FRAS1: variants seen among roughly 807,000 people sequenced by gnomAD.
FRAS1 encodes the protein extracellular matrix organizing protein FRAS1.
A neutral mutation model predicts 435.2 loss-of-function variants in FRAS1; 290 were observed. The ratio of observed to expected loss-of-function variants is 0.67; its 90% CI spans 0.61 to 0.73. FRAS1 has a LOEUF of 0.73. FRAS1 is among the 30% of genes least tolerant of loss of function. The pLI is 0.00. For synonymous variants in FRAS1, 1,800 were observed against 1,851.0 expected (o/e 0.97, Z 0.71); for missense variants, 4,860 against 5,001.5 (o/e 0.97, Z 0.85).
At chr4:78,170,526 G>A (rs1332022771) in intron 2 of FRAS1, among the ~76,000 whole-genome samples, 5 of 151,942 alleles carry the variant, frequency 3.3e-5, no homozygotes, top group African/African-American at 7.2e-5. Context: ...AAGTGCTGCC[G>A]CCATAGATGA....
At chr4:78,458,037 C>T (rs775692119) in intron 47 of FRAS1, among the ~76,000 whole-genome samples, 7 of 152,178 alleles carry the variant, frequency 4.6e-5, no homozygotes, top group Non-Finnish European at 8.8e-5. Flanking sequence ...TTAGGGAATA[C>T]ACAGTTAGAG....
chr4:78,206,459 T>C (rs1400560137), intron 2 of FRAS1, among the ~76,000 whole-genome samples: 1 of 152,196 alleles, frequency 6.6e-6, no homozygotes, highest in Non-Finnish European at 1.5e-5. Context: ...GACCATAAAA[T>C]AATACATTTT....
In FRAS1 at chr4:78,515,787, C is replaced by A; in HGVS notation, c.10175-12C>A. ...ACCAAGTTATCGTTCCTTGTTCTTC[C>A]CTCCCTGGCAGAGGCAGGGTTCCTG... On this transcript the variant is annotated splice_polypyrimidine_tract_variant and intron_variant, in intron 65 of 73. Transcript: ENST00000512123. 3.1e-6 allele frequency: 5 copies of A among 1,612,220 alleles called. No individual in the cohort carries two copies. The highest frequency in any genetic ancestry group is 4.2e-6 in the Non-Finnish European group (5 of 1,178,944).
At chr4:78,234,504 C>T (rs766666976) in intron 2 of FRAS1, among the ~76,000 whole-genome samples, 5 of 152,120 alleles carry the variant, frequency 3.3e-5, no homozygotes, top group Non-Finnish European at 5.9e-5. Flanking sequence ...GGATTACAGG[C>T]GTGAGCTGCC....
At chr4:78,382,229 C>T (rs1190152480) in intron 27 of FRAS1, among the ~76,000 whole-genome samples, 1 of 150,758 alleles carries the variant, frequency 6.6e-6, no homozygotes, top group East Asian at 2.0e-4. Flanking sequence ...GGAAGTACCA[C>T]CCTTTCTTTT....
intron 28 of FRAS1, among the ~76,000 whole-genome samples, chr4:78,387,075 T>C (rs1047843194): frequency 5.9e-5 from 9 of 152,136 alleles, no homozygotes; most frequent in African/African-American, 2.2e-4. Flanking sequence ...TTGGGATAAA[T>C]TTAAGTCAGG....
chr4:78,286,684 A>T, intron 14 of FRAS1, 145 bp downstream of exon 14: 1 of 737,768 alleles, frequency 1.4e-6, no homozygotes, highest in East Asian at 2.6e-5. Context: ...TGATGGGATG[A>T]GGAGAACAGT....
chr4:78,180,775 T>G lies in FRAS1; in HGVS notation c.109-56735T>G, dbSNP rs1332837229. On this transcript the variant is annotated intron_variant, in intron 2 of 73. Coordinates refer to ENST00000512123, the MANE Select transcript of FRAS1 (RefSeq NM_025074.7). Reference sequence around the variant, plus strand: ...ATGGTATGAATGACAGTCTTTTTTTTTTTTTAATTTGTCATTTGGAATCCT... The same window carrying G: ...ATGGTATGAATGACAGTCTTTTTTTGTTTTTAATTTGTCATTTGGAATCCT... 2.1e-5 allele frequency: 21 copies of G among 998,080 alleles called. 1 individual carries two copies. The highest frequency in any genetic ancestry group is 3.1e-5 in the Non-Finnish European group (21 of 669,650). 61.8% of individuals were successfully genotyped at this position (998,080 alleles called of 1,614,324 possible).
chr4:78,091,670 G>A (rs1378561624), intron 2 of FRAS1, among the ~76,000 whole-genome samples: 10 of 151,198 alleles, frequency 6.6e-5, no homozygotes, highest in Non-Finnish European at 1.0e-4. Flanking sequence ...TTTTGGAGAT[G>A]GAGTCTTGCT....
At chr4:78,538,707 C>A (rs1721958515) in intron 72 of FRAS1, among the ~76,000 whole-genome samples, 1 of 152,168 alleles carries the variant, frequency 6.6e-6, no homozygotes, top group Non-Finnish European at 1.5e-5. Flanking sequence ...GTAATCCCAG[C>A]ACTTTGGGAG....
intron 2 of FRAS1, among the ~76,000 whole-genome samples, chr4:78,196,376 A>T (rs933458980): frequency 1.1e-4 from 16 of 152,206 alleles, no homozygotes; most frequent in African/African-American, 3.9e-4. Flanking sequence ...ACAGTAAAAC[A>T]TCTATTCTAG....
rs927684947 is a variant in FRAS1, at chr4:78,181,625, G to A, written c.109-55885G>A. The A allele has an allele frequency of 1.2e-5, 19 of 1,610,120 alleles. No homozygotes were observed. The Admixed American group carries it at 2.8e-4, about 24-fold the overall frequency. ...GCCTCCTTCACCCTTTTCTTCAAGTGGCTTTTCGAATCTTCGTTCACAAGG... is the reference window on the plus strand; with the variant it reads ...GCCTCCTTCACCCTTTTCTTCAAGTAGCTTTTCGAATCTTCGTTCACAAGG... On this transcript the variant is annotated intron_variant, in intron 2 of 73. Coordinates refer to ENST00000512123, the MANE Select transcript of FRAS1 (RefSeq NM_025074.7).
At chr4:78,303,651 CTGTT>C (rs1349023020) in intron 14 of FRAS1, among the ~76,000 whole-genome samples, 4 of 152,102 alleles carry the variant, frequency 2.6e-5, no homozygotes, top group Non-Finnish European at 4.4e-5. Flanking sequence ...ATTTGGCTCT[CTGTT>C]TGTCTGTTGT....
intron 2 of FRAS1, among the ~76,000 whole-genome samples, chr4:78,140,499 A>G (rs1720114892): frequency 6.6e-6 from 1 of 152,128 alleles, no homozygotes; most frequent in African/African-American, 2.4e-5. Context: ...ACAGTTTCTT[A>G]ATTTGTAAAA....
At chr4:78,069,080 T>A (rs1740202871) in intron 2 of FRAS1, among the ~76,000 whole-genome samples, 1 of 152,230 alleles carries the variant, frequency 6.6e-6, no homozygotes, top group African/African-American at 2.4e-5. Context: ...GGCGTCATTT[T>A]CAAGAGCTGG....
intron 2 of FRAS1, among the ~76,000 whole-genome samples, chr4:78,205,955 T>G (rs1051852073): frequency 1.2e-4 from 18 of 152,064 alleles, no homozygotes; most frequent in Non-Finnish European, 2.2e-4. Context: ...TTTCATCCAC[T>G]GTATGCAGAA....
chr4:78,365,011 C>T lies in FRAS1; in HGVS notation c.2722+957C>T, dbSNP rs191801124. On this transcript the variant is annotated intron_variant, in intron 22 of 73. Transcript: ENST00000512123. Reference sequence around the variant, plus strand: ...TTTTTTTGTAAAAGGAAGATAATAACAATACCTACATTCTAATGTTATTAC... The same window carrying T: ...TTTTTTTGTAAAAGGAAGATAATAATAATACCTACATTCTAATGTTATTAC... Among the ~76,000 whole-genome samples, 37 of 152,204 alleles carry T rather than the reference C, an allele frequency of 2.4e-4. 1 individual carries two copies. The East Asian group carries it at 7.1e-3, about 29-fold the overall frequency.
rs1486255559 is a variant in FRAS1, at chr4:78,446,748, A to C, written c.5878A>C (p.Arg1960=). 6.2e-7 allele frequency: 1 copy of C among 1,613,460 alleles called. No homozygotes were observed. The highest frequency in any genetic ancestry group is 2.2e-5 in the East Asian group (1 of 44,860). The part of the protein sequence containing the change: ...TIERKNDEPP[R]MTLQPLRVQL... Reference sequence around the variant, plus strand: ...TCAGAGGAAGAACGATGAGCCTCCCAGGATGACCTTGCAGCCCCTCAGAGT... The same window carrying C: ...TCAGAGGAAGAACGATGAGCCTCCCCGGATGACCTTGCAGCCCCTCAGAGT... The change falls in exon 43 of 74, where the codon AGG becomes CGG. Residue 1960 remains arginine (R), a synonymous_variant. Transcript: ENST00000512123.
chr4:78,409,347 T>C (rs1031493284), intron 31 of FRAS1, among the ~76,000 whole-genome samples: 4 of 152,098 alleles, frequency 2.6e-5, no homozygotes, highest in Non-Finnish European at 5.9e-5. Context: ...GGAAATAACC[T>C]ATCAAAACTT....
Sources: allele counts gnomAD v4.1 joint callset (sites outside exome capture counted in the v4.1 genomes callset), GRCh38; gene constraint gnomAD v4.1.1; transcripts MANE v1.5; gene names NCBI Gene and HGNC (gene_info 2026-07-23, HGNC 2026-07-21).